KPNA5: variants seen among roughly 807,000 people sequenced by gnomAD.
The protein encoded by KPNA5 is karyopherin subunit alpha 5.
In KPNA5, 46 loss-of-function variants were observed where a neutral mutation model predicts 71.3. The ratio of observed to expected loss-of-function variants is 0.65; its 90% CI spans 0.51 to 0.83. The LOEUF is 0.83. Among genes scored for constraint, KPNA5 ranks in the 40% least tolerant of loss-of-function variants. The pLI, the probability that KPNA5 is intolerant of heterozygous loss-of-function variation, is 0.00. For synonymous variants in KPNA5, 207 were observed against 201.4 expected (o/e 1.03, Z -0.24); for missense variants, 547 against 628.3 (o/e 0.87, Z 1.38).
chr6:116,706,305 C>T (rs928219534), intron 7 of KPNA5, among the ~76,000 whole-genome samples: 2 of 152,118 alleles, frequency 1.3e-5, no homozygotes, highest in African/African-American at 4.8e-5. Context: ...CTTTAAATGT[C>T]CTAAGGAGTC....
chr6:116,726,858 C>T (rs1169062384), intron 12 of KPNA5, among the ~76,000 whole-genome samples: 1 of 151,836 alleles, frequency 6.6e-6, no homozygotes, highest in Non-Finnish European at 1.5e-5. Context: ...ATTAAAAAAT[C>T]CAAACGGGAA....
chr6:116,695,388 TAAG>T (rs1375886536), intron 4 of KPNA5, among the ~76,000 whole-genome samples: 1 of 152,228 alleles, frequency 6.6e-6, no homozygotes, highest in African/African-American at 2.4e-5. Context: ...ATTGAGTTAA[TAAG>T]AATTCATTTA....
chr6:116,683,092 T>C (rs1777422921), intron 1 of KPNA5, among the ~76,000 whole-genome samples: 1 of 152,240 alleles, frequency 6.6e-6, no homozygotes, highest in Non-Finnish European at 1.5e-5. Context: ...AGCGCCTTTG[T>C]ATGTGTGCGT....
intron 1 of KPNA5, among the ~76,000 whole-genome samples, chr6:116,684,451 G>C (rs1457944386): frequency 1.3e-5 from 2 of 152,044 alleles, no homozygotes; most frequent in Non-Finnish European, 2.9e-5. Context: ...GATTATTACA[G>C]GCACTTTTAT....
intron 1 of KPNA5, among the ~76,000 whole-genome samples, chr6:116,682,613 C>T (rs1463111721): frequency 6.6e-6 from 1 of 152,166 alleles, no homozygotes; most frequent in South Asian, 2.1e-4. Flanking sequence ...GAAATGAAGG[C>T]TTTACTGGCA....
At chr6:116,683,183 C>A (rs925358413) in intron 1 of KPNA5, among the ~76,000 whole-genome samples, 14 of 152,084 alleles carry the variant, frequency 9.2e-5, no homozygotes, top group African/African-American at 3.1e-4. Flanking sequence ...AACTTTCATT[C>A]TTAAAAATTT....
intron 1 of KPNA5, among the ~76,000 whole-genome samples, chr6:116,688,382 A>G (rs530203160): frequency 6.6e-6 from 1 of 152,244 alleles, no homozygotes; most frequent in South Asian, 2.1e-4. Flanking sequence ...TGTCCTCTGA[A>G]TTTAACAGAA....
chr6:116,681,267 T>C lies in KPNA5; in HGVS notation c.-68T>C. The C allele has an allele frequency of 6.2e-7, 1 of 1,600,158 alleles. No individual in the cohort carries two copies. The highest frequency in any genetic ancestry group is 8.5e-7 in the Non-Finnish European group (1 of 1,171,332). On this transcript the variant is annotated 5_prime_UTR_variant, in exon 1 of 14. Transcript: ENST00000368564. ...CACGCCAGGGGCGGAGTGGCGGCCC[T>C]TCTGTTACCCGCCACACACGTCGCC...
chr6:116,723,366 C>T (rs1393713175), intron 9 of KPNA5, among the ~76,000 whole-genome samples: 1 of 152,086 alleles, frequency 6.6e-6, no homozygotes, highest in Non-Finnish European at 1.5e-5. Flanking sequence ...AACAGTAACA[C>T]TTCTACATTA....
At chr6:116,718,769 T>C (rs918317205) in intron 8 of KPNA5, among the ~76,000 whole-genome samples, 1 of 151,874 alleles carries the variant, frequency 6.6e-6, no homozygotes, top group African/African-American at 2.4e-5. Context: ...ATTTTCTTTT[T>C]TTTTTCTTCT....
At chr6:116,716,685 A>T (rs1778900598) in intron 8 of KPNA5, among the ~76,000 whole-genome samples, 1 of 152,148 alleles carries the variant, frequency 6.6e-6, no homozygotes, top group African/African-American at 2.4e-5. Flanking sequence ...ATCTCTTAGG[A>T]TATCTGTTTC....
intron 1 of KPNA5, among the ~76,000 whole-genome samples, chr6:116,682,903 T>C (rs1023367209): frequency 3.3e-5 from 5 of 152,244 alleles, no homozygotes; most frequent in Non-Finnish European, 7.3e-5. Context: ...CTTGGTTTAT[T>C]GTCCCCTTTA....
intron 6 of KPNA5, 105 bp downstream of exon 6, chr6:116,702,255 A>G: frequency 8.6e-7 from 1 of 1,160,514 alleles, no homozygotes; most frequent in Non-Finnish European, 1.2e-6. Flanking sequence ...TAATTGCTGT[A>G]TATTGCATTA....
intron 7 of KPNA5, among the ~76,000 whole-genome samples, chr6:116,713,951 G>GT (rs1240484895): frequency 2.0e-5 from 3 of 151,922 alleles, no homozygotes; most frequent in East Asian, 1.9e-4. Context: ...GTTTTCTTTA[G>GT]TTTTTTTGTG....
chr6:116,718,763 TC>T lies in KPNA5; in HGVS notation c.756+2446del, dbSNP rs199908515. Among the ~76,000 whole-genome samples, 717 of 151,694 alleles carry T rather than the reference TC, an allele frequency of 4.7e-3. 5 individuals are homozygous for T. Among genetic ancestry groups the T allele is most frequent in the African/African-American group, 0.016 (671 of 41,164 alleles). On this transcript the variant is annotated intron_variant, in intron 8 of 13. Transcript: ENST00000368564. ...TAATCATTCACTTTTTTTGAAATTT[TC>T]TTTTTTTTTTCTTCTTTTTTTGAGA...
rs558548895 is a variant in KPNA5 at position 116,703,296 on chromosome 6, C to T, written c.567+1146C>T. ...TTTTTTTTTGAGATGAAGTCTTGCT[C>T]TCGTCCCCCACGCTGGAATGCAATG... On this transcript the variant is annotated intron_variant, in intron 6 of 13. Coordinates refer to ENST00000368564, the MANE Select transcript of KPNA5 (RefSeq NM_001366306.2). 2.0e-5 allele frequency among the ~76,000 whole-genome samples: 3 copies of T among 148,546 alleles called. No individual in the cohort carries two copies. In the South Asian group the frequency reaches 6.4e-4, roughly 31 times the overall value.
At chr6:116,731,391 A>G (rs1779476141) in intron 13 of KPNA5, among the ~76,000 whole-genome samples, 1 of 152,176 alleles carries the variant, frequency 6.6e-6, no homozygotes, top group African/African-American at 2.4e-5. Context: ...GAGTCAGACT[A>G]GGGTTTGAGC....
intron 1 of KPNA5, 90 bp downstream of exon 1, chr6:116,681,428 TA>T (rs1349484994): frequency 4.5e-5 from 65 of 1,457,922 alleles, no homozygotes; most frequent in Non-Finnish European, 5.8e-5. Context: ...GGTTTTTATT[TA>T]CCCCTTACTT....
intron 4 of KPNA5, among the ~76,000 whole-genome samples, chr6:116,698,354 A>G (rs1778105754): frequency 6.6e-6 from 1 of 152,046 alleles, no homozygotes; most frequent in Non-Finnish European, 1.5e-5. Context: ...GTAGTACTAT[A>G]AAGAATTAGT....
Sources: gnomAD v4.1 joint callset for allele counts (sites outside exome capture counted in the v4.1 genomes callset) on GRCh38, gnomAD v4.1.1 for gene constraint, MANE v1.5 for transcripts, NCBI Gene and HGNC (gene_info 2026-07-23, HGNC 2026-07-21) for gene names.